The following RAI2 variants were observed in gnomAD, a reference collection of about 807,000 sequenced individuals.
RAI2 encodes the protein retinoic acid-induced protein 2.
Under a neutral mutation model 15.3 loss-of-function variants are expected in RAI2, and 5 were observed. The ratio of observed to expected loss-of-function variants is 0.33; its 90% CI spans 0.17 to 0.69. The LOEUF is 0.69. RAI2 is among the 30% of genes least tolerant of loss of function. The pLI is 0.69. For synonymous variants in RAI2, 191 were observed against 184.0 expected (o/e 1.04, Z -0.31); for missense variants, 424 against 424.7 (o/e 1.00, Z 0.01).
chrX:17,831,768 A>G (rs1257028412), intron 1 of RAI2, among the ~76,000 whole-genome samples: 1 of 112,523 alleles, frequency 8.9e-6, no homozygotes, highest in Non-Finnish European at 1.9e-5. Context: ...GATTACATCA[A>G]TAGACCTAAA....
chrX:17,820,137 G>C (rs775221381), intron 1 of RAI2, among the ~76,000 whole-genome samples: 1 of 111,875 alleles, frequency 8.9e-6, no homozygotes, highest in Admixed American at 9.5e-5. Flanking sequence ...CTGGGCACCT[G>C]CCAGGAGGCC....
chrX:17,829,099 A>G (rs898552249), intron 1 of RAI2, among the ~76,000 whole-genome samples: 1 of 110,624 alleles, frequency 9.0e-6, no homozygotes, highest in Admixed American at 9.6e-5. Flanking sequence ...CTGAGCACTC[A>G]GTAGAATAAT....
chrX:17,810,062 G>A (rs1008257101), intron 1 of RAI2, among the ~76,000 whole-genome samples: 1 of 111,504 alleles, frequency 9.0e-6, no homozygotes, highest in South Asian at 3.8e-4. Context: ...ATGAGCCACC[G>A]TGCCCGGCCC....
intron 1 of RAI2, among the ~76,000 whole-genome samples, chrX:17,832,214 A>C (rs769569289): frequency 2.7e-5 from 3 of 112,165 alleles, no homozygotes; most frequent in South Asian, 7.5e-4. Context: ...AGGGTGACCA[A>C]TTGTCCTGGT....
intron 1 of RAI2, among the ~76,000 whole-genome samples, chrX:17,834,741 G>GT (rs1467803174): frequency 9.0e-6 from 1 of 111,288 alleles, no homozygotes; most frequent in Admixed American, 9.6e-5. Flanking sequence ...GAAAAAGGAG[G>GT]TTGAGGAGAA....
rs182784900 is a variant in RAI2 at position 17,832,818 on chromosome X, G to T, written c.-25+28280C>A. 1.3e-3 allele frequency among the ~76,000 whole-genome samples: 141 copies of T among 112,085 alleles called. 1 individual carries two copies. The highest frequency in any genetic ancestry group is 4.6e-3 in the Middle Eastern group (1 of 217). On this transcript the variant is annotated intron_variant, in intron 1 of 1. Coordinates refer to ENST00000451717, the MANE Select transcript of RAI2 (RefSeq NM_021785.6). ...AGGTCCCTCCTTACCCCACAATTAT[G>T]CTGGGGATGTGATAAGGGAACATGA...
chrX:17,803,823 T>G (rs1302861140), intron 1 of RAI2, among the ~76,000 whole-genome samples: 1 of 111,337 alleles, frequency 9.0e-6, no homozygotes, highest in Non-Finnish European at 1.9e-5. Context: ...TGGGACAGAG[T>G]TGGGAGGCAG....
Position 17,802,010 on chromosome X carries a change from TC to T in RAI2, c.-1del. The T allele has an allele frequency of 8.4e-7, 1 of 1,189,737 alleles. No homozygotes were observed. The highest frequency in any genetic ancestry group is 1.7e-5 in the African/African-American group (1 of 57,407). ...AGGTTCTGGGACTGCAGGTCGTCCA[TC>T]ACTCAGCTCTGATGCCACTTGGCCT... On this transcript the variant is annotated 5_prime_UTR_variant, in exon 2 of 2. Transcript: ENST00000451717.
chrX:17,860,313 C>A (rs961317299), intron 1 of RAI2, among the ~76,000 whole-genome samples: 3 of 112,830 alleles, frequency 2.7e-5, no homozygotes, highest in African/African-American at 9.7e-5. Context: ...CAGAGCACAA[C>A]CCCAACCCCG....
intron 1 of RAI2, chrX:17,837,442 A>G (rs1034942151): frequency 2.7e-5 from 3 of 112,196 alleles, no homozygotes; most frequent in African/African-American, 6.5e-5. Context: ...ACCCAGCCTT[A>G]CAGGGCTTCT....
chrX:17,831,776 A>G (rs1237181948), intron 1 of RAI2, among the ~76,000 whole-genome samples: 2 of 112,400 alleles, frequency 1.8e-5, no homozygotes, highest in Non-Finnish European at 3.8e-5. Context: ...CAATAGACCT[A>G]AATCTGTCTA....
chrX:17,851,681 G>A (rs1262609425), intron 1 of RAI2, among the ~76,000 whole-genome samples: 1 of 111,476 alleles, frequency 9.0e-6, no homozygotes, highest in East Asian at 2.8e-4. Flanking sequence ...GCACAGCACT[G>A]TTTAGCTAAG....
At chrX:17,842,726 G>A (rs191824848) in intron 1 of RAI2, among the ~76,000 whole-genome samples, 17 of 109,751 alleles carry the variant, frequency 1.5e-4, no homozygotes, top group Admixed American at 1.4e-3. Context: ...TGGGTGGTAA[G>A]AATGCGAATG....
At chrX:17,819,678 T>C (rs774018656) in intron 1 of RAI2, among the ~76,000 whole-genome samples, 2 of 112,479 alleles carry the variant, frequency 1.8e-5, no homozygotes, top group African/African-American at 3.2e-5. Flanking sequence ...AATGGCACAA[T>C]TGCATCTCAA....
At chrX:17,860,094 CCTT>C (rs1207242780) in intron 1 of RAI2, among the ~76,000 whole-genome samples, 1 of 111,424 alleles carries the variant, frequency 9.0e-6, no homozygotes, top group African/African-American at 3.3e-5. Flanking sequence ...TCCAAAGCCA[CCTT>C]CTTCTTCCGT....
At chrX:17,816,598 A>G (rs1389297443) in intron 1 of RAI2, among the ~76,000 whole-genome samples, 1 of 112,234 alleles carries the variant, frequency 8.9e-6, no homozygotes, top group Non-Finnish European at 1.9e-5. Flanking sequence ...CACTGCAGCT[A>G]GCGAATATTG....
chrX:17,843,758 T>A (rs965219212), intron 1 of RAI2, among the ~76,000 whole-genome samples: 3 of 112,226 alleles, frequency 2.7e-5, no homozygotes, highest in African/African-American at 9.7e-5. Flanking sequence ...GCCAGCTCAC[T>A]AGGAATAAAA....
At chrX:17,803,955 T>A (rs747459766) in intron 1 of RAI2, among the ~76,000 whole-genome samples, 71 of 110,534 alleles carry the variant, frequency 6.4e-4, no homozygotes, top group African/African-American at 2.2e-3. Flanking sequence ...TTTTTCTTTT[T>A]TCTTCTTTCT....
chrX:17,815,468 T>C (rs754958231), intron 1 of RAI2, among the ~76,000 whole-genome samples: 3 of 111,630 alleles, frequency 2.7e-5, no homozygotes, highest in Non-Finnish European at 5.6e-5. Context: ...AGGTATTTTT[T>C]TCCCTCTGAA....
Sources: gnomAD v4.1 joint callset for allele counts (sites outside exome capture counted in the v4.1 genomes callset) on GRCh38, gnomAD v4.1.1 for gene constraint, MANE v1.5 for transcripts, NCBI Gene and HGNC (gene_info 2026-07-23, HGNC 2026-07-21) for gene names.